Variants in IPO11 observed in about 807,000 individuals in gnomAD.
The protein encoded by IPO11 is importin-11.
A neutral mutation model predicts 143.2 loss-of-function variants in IPO11; 66 were observed. That is an observed-to-expected ratio of 0.46 (90% CI 0.38 to 0.57). The LOEUF (loss-of-function observed/expected upper bound fraction) is 0.57, where lower values mean the gene tolerates loss of function less well. IPO11 is among the 20% of genes least tolerant of loss of function. The probability of loss-of-function intolerance (pLI) is 0.00; values close to 1 mark genes in which losing one functional copy is unlikely to be tolerated. For missense variants in IPO11, 1,026 were observed against 1,141.0 expected (o/e 0.90, Z 1.45); for synonymous variants, 385 against 377.8 (o/e 1.02, Z -0.22).
intron 1 of IPO11, among the ~76,000 whole-genome samples, chr5:62,424,693 C>T (rs540947590): frequency 2.1e-4 from 32 of 151,750 alleles, no homozygotes; most frequent in Admixed American, 5.9e-4. Context: ...TCTCCTGCTT[C>T]TGCCTCCCAA....
At chr5:62,522,524 A>G (rs146250048) in intron 20 of IPO11, among the ~76,000 whole-genome samples, 2 of 152,218 alleles carry the variant, frequency 1.3e-5, no homozygotes, top group African/African-American at 4.8e-5. Context: ...ACCTCAGCTG[A>G]TCTGCCCGCC....
chr5:62,553,542 A>G (rs771433934), intron 26 of IPO11, among the ~76,000 whole-genome samples: 9 of 152,006 alleles, frequency 5.9e-5, no homozygotes, highest in Non-Finnish European at 1.0e-4. Context: ...CGATAGTTCA[A>G]TTTGTAGTTT....
intron 1 of IPO11, among the ~76,000 whole-genome samples, chr5:62,429,782 C>T (rs1329291796): frequency 2.6e-5 from 4 of 152,064 alleles, no homozygotes; most frequent in Non-Finnish European, 5.9e-5. Flanking sequence ...TGCCACCACA[C>T]CCAGCTAATT....
chr5:62,433,146 G>GTT (rs367585219), intron 1 of IPO11, among the ~76,000 whole-genome samples: 5 of 135,486 alleles, frequency 3.7e-5, no homozygotes, highest in Admixed American at 7.3e-5. Context: ...GCACCTTTTT[G>GTT]TTTTTTGTTT....
At chr5:62,542,060 TTC>T (rs1470167002) in intron 24 of IPO11, among the ~76,000 whole-genome samples, 1 of 152,032 alleles carries the variant, frequency 6.6e-6, no homozygotes, top group Non-Finnish European at 1.5e-5. Flanking sequence ...TCTTTTTTAT[TTC>T]TTTTTATTTT....
rs70981015 is a variant in IPO11 at position 62,470,816 on chromosome 5, C to CTTTTTTTTTTT, written c.708+527_708+537dup. ...TTCATTGTCTGTAGATAGCCATCTT[C>CTTTTTTTTTTT]TTTTTTTTTTTTTTTTTTTTTTTTT... On this transcript the variant is annotated intron_variant, in intron 7 of 29. Transcript: ENST00000325324. Among the ~76,000 whole-genome samples the CTTTTTTTTTTT allele has an allele frequency of 3.7e-3, 233 of 62,560 alleles. 37 individuals carry two copies. Among genetic ancestry groups the CTTTTTTTTTTT allele is most frequent in the East Asian group, 4.9e-3 (7 of 1,418 alleles). The allele number at this position is 62,560 out of a possible 152,430, so 41.0% of individuals were successfully genotyped here.
chr5:62,416,109 T>G (rs1189194163), intron 1 of IPO11, among the ~76,000 whole-genome samples: 1 of 152,110 alleles, frequency 6.6e-6, no homozygotes, highest in Non-Finnish European at 1.5e-5. Flanking sequence ...ACCTTCTTGC[T>G]GCCTTTTCTC....
chr5:62,506,240 G>A lies in IPO11; in HGVS notation c.1666-1G>A. 1 of 1,563,826 alleles carries A rather than the reference G, an allele frequency of 6.4e-7. No homozygotes were observed. The highest frequency in any genetic ancestry group is 8.8e-7 in the Non-Finnish European group (1 of 1,140,200). ...TTTATTTTCTTTCTTTTTACCTGCA[G>A]TATTTGGAAACCATGTTCACACTAC... is the stretch of plus-strand genomic sequence containing the variant. On this transcript the variant is annotated splice_acceptor_variant, in intron 18 of 29. Transcript: ENST00000325324. LOFTEE classifies it high-confidence loss of function.
Position 62,536,298 on chromosome 5 carries a change from ATAGT to A in IPO11, c.2090-400_2090-397del, listed in dbSNP as rs754776882. ...ATTTTGAAATGAAAGGTTGGGTCAA[ATAGT>A]TAGGTGGTTTTTTTTTCTGAAAGGA... is the stretch of plus-strand genomic sequence containing the variant. On this transcript the variant is annotated intron_variant, in intron 22 of 29. Coordinates refer to ENST00000325324, the MANE Select transcript of IPO11 (RefSeq NM_016338.5). 8.3e-4 allele frequency among the ~76,000 whole-genome samples: 126 copies of A among 152,230 alleles called. 1 individual carries two copies. Among genetic ancestry groups the A allele is most frequent in the African/African-American group, 1.4e-3 (60 of 41,560 alleles).
chr5:62,435,178 A>ATATGTATATATATG (rs1222515440), intron 1 of IPO11, among the ~76,000 whole-genome samples: 1,390 of 75,908 alleles, frequency 0.018, 63 homozygotes, highest in Non-Finnish European at 0.026. Flanking sequence ...ATATGTATAT[A>ATATGTATATATATG]TGTATATATA....
chr5:62,546,610 C>G (rs1175560691), intron 24 of IPO11, among the ~76,000 whole-genome samples: 1 of 143,504 alleles, frequency 7.0e-6, no homozygotes, highest in African/African-American at 2.7e-5. Flanking sequence ...AAAAAAACCA[C>G]ACACACACAA....
chr5:62,462,884 CT>C (rs36024537), intron 5 of IPO11, among the ~76,000 whole-genome samples: 83 of 142,120 alleles, frequency 5.8e-4, no homozygotes, highest in Admixed American at 5.6e-4. Flanking sequence ...TGTCACCATC[CT>C]TTTTTTTTTT....
chr5:62,627,348 TCAGA>T lies in IPO11; in HGVS notation c.*31_*34del. On this transcript the variant is annotated 3_prime_UTR_variant, in exon 30 of 30. Coordinates refer to ENST00000325324, the MANE Select transcript of IPO11 (RefSeq NM_016338.5). ...ACATGACATGTGGCTGCCTCCCCTT[TCAGA>T]AACAAGCTGAGTAACCCAGCCTGCC... 1 of 1,589,858 alleles carries T rather than the reference TCAGA, an allele frequency of 6.3e-7. No individual in the cohort carries two copies. The highest frequency in any genetic ancestry group is 8.6e-7 in the Non-Finnish European group (1 of 1,163,058).
At chr5:62,566,995 G>A (rs1743967296) in intron 27 of IPO11, among the ~76,000 whole-genome samples, 1 of 151,930 alleles carries the variant, frequency 6.6e-6, no homozygotes, top group Admixed American at 6.6e-5. Flanking sequence ...ACCCAGCTGT[G>A]TAGTTAACCT....
chr5:62,413,565 T>A (rs1743191665), intron 1 of IPO11: 1 of 152,184 alleles, frequency 6.6e-6, no homozygotes, highest in South Asian at 2.1e-4. Flanking sequence ...TTTTGTGACA[T>A]GTTGGTGAAT....
At chr5:62,513,534 C>G (rs1366497581) in intron 19 of IPO11, among the ~76,000 whole-genome samples, 1 of 140,678 alleles carries the variant, frequency 7.1e-6, no homozygotes, top group African/African-American at 2.7e-5. Context: ...GCTGGCCGGG[C>G]GGGGGGCTGA....
At chr5:62,483,410 G>A (rs1746280133) in intron 10 of IPO11, 117 bp downstream of exon 10, 2 of 653,516 alleles carry the variant, frequency 3.1e-6, no homozygotes, top group Non-Finnish European at 5.0e-6. Context: ...ATTGTTGCTG[G>A]GACATGAAAA....
chr5:62,612,655 T>C (rs1037289886), intron 29 of IPO11, among the ~76,000 whole-genome samples: 22 of 152,232 alleles, frequency 1.4e-4, no homozygotes, highest in African/African-American at 5.3e-4. Context: ...TTTATTGATA[T>C]TTTAAAGTGA....
intron 1 of IPO11, among the ~76,000 whole-genome samples, chr5:62,436,294 C>T (rs1744230563): frequency 6.6e-6 from 1 of 152,134 alleles, no homozygotes; most frequent in African/African-American, 2.4e-5. Flanking sequence ...TTTGCTTTGG[C>T]TATATTCTTT....
Sources: allele counts gnomAD v4.1 joint callset (sites outside exome capture counted in the v4.1 genomes callset), GRCh38; gene constraint gnomAD v4.1.1; transcripts MANE v1.5; gene names NCBI Gene and HGNC (gene_info 2026-07-23, HGNC 2026-07-21).